KCNIP4: variants seen among roughly 807,000 people sequenced by gnomAD.
KCNIP4 encodes Kv channel-interacting protein 4.
A neutral mutation model predicts 34.0 loss-of-function variants in KCNIP4; 12 were observed. The observed-to-expected ratio is 0.35, with a 90% CI of 0.23 to 0.57. The LOEUF (loss-of-function observed/expected upper bound fraction) is 0.57, where lower values mean the gene tolerates loss of function less well. Among genes scored for constraint, KCNIP4 ranks in the 20% least tolerant of loss-of-function variants. KCNIP4 has a pLI of 0.83. For synonymous variants in KCNIP4, 124 were observed against 102.2 expected, an observed-to-expected ratio of 1.21 and a Z score of -1.29; for missense variants, 238 against 311.7, an observed-to-expected ratio of 0.76 and a Z score of 1.78.
intron 1 of KCNIP4, among the ~76,000 whole-genome samples, chr4:21,169,798 A>G (rs1753888102): frequency 6.6e-5 from 10 of 151,822 alleles, no homozygotes; most frequent in Admixed American, 5.9e-4. Flanking sequence ...TAGTACTCAA[A>G]CACTCCCAGC....
At chr4:20,808,814 G>T (rs940784766) in intron 3 of KCNIP4, among the ~76,000 whole-genome samples, 2 of 152,040 alleles carry the variant, frequency 1.3e-5, no homozygotes, top group Admixed American at 1.3e-4. Flanking sequence ...GTTAAGACAG[G>T]TTCACCATTT....
At chr4:21,515,651 A>G (rs1474142517) in intron 1 of KCNIP4, among the ~76,000 whole-genome samples, 1 of 152,168 alleles carries the variant, frequency 6.6e-6, no homozygotes, top group African/African-American at 2.4e-5. Flanking sequence ...AAAGAAAAGA[A>G]GTAGGAACTT....
intron 5 of KCNIP4, among the ~76,000 whole-genome samples, chr4:20,735,179 GA>G (rs1180576006): frequency 6.6e-6 from 1 of 152,186 alleles, no homozygotes; most frequent in Non-Finnish European, 1.5e-5. Flanking sequence ...TCTTTAATTA[GA>G]AATCCAGTTA....
chr4:21,558,580 A>C (rs1739265964), intron 1 of KCNIP4, among the ~76,000 whole-genome samples: 2 of 152,088 alleles, frequency 1.3e-5, no homozygotes, highest in South Asian at 4.1e-4. Flanking sequence ...TGCCAAAAGA[A>C]ATTGAAATTA....
Position 20,729,680 on chromosome 4 carries a change from A to C in KCNIP4, c.*402T>G, listed in dbSNP as rs757672718. 2.4e-4 allele frequency: 38 copies of C among 156,876 alleles called. No homozygotes were observed. The highest frequency in any genetic ancestry group is 4.8e-4 in the Non-Finnish European group (34 of 71,420). The allele number at this position is 156,876 out of a possible 1,614,324, so 9.7% of individuals were successfully genotyped here. A position where few individuals can be genotyped will look rare whatever the true frequency, so the allele number is the denominator to read the frequency against. On this transcript the variant is annotated 3_prime_UTR_variant, in exon 9 of 9. Coordinates refer to ENST00000382152, the MANE Select transcript of KCNIP4 (RefSeq NM_025221.6). ...TTTAATTTCTGGAAATTAAATGCAG[A>C]TGTCACTATATTAGAAAACCATTCA... is the stretch of plus-strand genomic sequence containing the variant.
intron 1 of KCNIP4, among the ~76,000 whole-genome samples, chr4:21,830,160 C>A (rs967904965): frequency 1.3e-5 from 2 of 151,958 alleles, no homozygotes; most frequent in African/African-American, 2.4e-5. Flanking sequence ...ATATTTTCCA[C>A]AAATATAAAT....
intron 1 of KCNIP4, among the ~76,000 whole-genome samples, chr4:21,072,529 T>C (rs1745055674): frequency 6.6e-6 from 1 of 152,176 alleles, no homozygotes; most frequent in South Asian, 2.1e-4. Context: ...AAGTTCTTTG[T>C]AGATTCTGGA....
intron 1 of KCNIP4, among the ~76,000 whole-genome samples, chr4:21,238,224 G>A (rs1273074981): frequency 1.3e-5 from 2 of 152,132 alleles, no homozygotes; most frequent in African/African-American, 4.8e-5. Context: ...TTGATGGGAT[G>A]TATCTCAAAA....
chr4:20,746,103 A>G (rs894489672), intron 5 of KCNIP4, among the ~76,000 whole-genome samples: 1 of 152,182 alleles, frequency 6.6e-6, no homozygotes, highest in Admixed American at 6.5e-5. Flanking sequence ...CACTATTCAC[A>G]ATAGCAAAGA....
At chr4:21,347,510 G>C (rs1373718494) in intron 1 of KCNIP4, among the ~76,000 whole-genome samples, 1 of 152,206 alleles carries the variant, frequency 6.6e-6, no homozygotes, top group Non-Finnish European at 1.5e-5. Flanking sequence ...GAGAAATGTA[G>C]CTCCTTGTGA....
intron 3 of KCNIP4, among the ~76,000 whole-genome samples, chr4:20,809,470 C>G (rs936525923): frequency 6.6e-6 from 1 of 152,106 alleles, no homozygotes; most frequent in South Asian, 2.1e-4. Flanking sequence ...TGGAGAATGT[C>G]GCATTCAGGA....
intron 1 of KCNIP4, among the ~76,000 whole-genome samples, chr4:21,019,671 C>T (rs1255432226): frequency 6.6e-6 from 1 of 151,912 alleles, no homozygotes; most frequent in Non-Finnish European, 1.5e-5. Context: ...TTATTTTGTT[C>T]AAATCAAATA....
intron 1 of KCNIP4, among the ~76,000 whole-genome samples, chr4:21,647,244 T>A (rs1373973365): frequency 6.6e-6 from 1 of 152,164 alleles, no homozygotes; most frequent in Non-Finnish European, 1.5e-5. Context: ...CATGCACATA[T>A]ACACATTTTT....
intron 1 of KCNIP4, among the ~76,000 whole-genome samples, chr4:21,315,569 T>C (rs1713655922): frequency 6.6e-6 from 1 of 152,176 alleles, no homozygotes; most frequent in African/African-American, 2.4e-5. Flanking sequence ...TCTGCATTAT[T>C]TAAAGGTCAA....
intron 1 of KCNIP4, among the ~76,000 whole-genome samples, chr4:21,765,116 A>C (rs2109177648): frequency 1.3e-5 from 2 of 151,780 alleles, no homozygotes; most frequent in South Asian, 4.1e-4. Flanking sequence ...TTAAAATGGG[A>C]AGTGCAATGG....
chr4:21,044,713 G>A (rs1345479938), intron 1 of KCNIP4, among the ~76,000 whole-genome samples: 2 of 152,050 alleles, frequency 1.3e-5, no homozygotes, highest in Non-Finnish European at 2.9e-5. Context: ...AACTTGCCAG[G>A]CTGCAGCCAG....
intron 1 of KCNIP4, among the ~76,000 whole-genome samples, chr4:21,505,039 A>T (rs890295923): frequency 6.6e-6 from 1 of 152,188 alleles, no homozygotes; most frequent in Non-Finnish European, 1.5e-5. Flanking sequence ...ACATTTAAGT[A>T]ATCTGATTGA....
intron 1 of KCNIP4, among the ~76,000 whole-genome samples, chr4:21,519,749 GTGTGTGTA>G (rs1240074408): frequency 7.5e-6 from 1 of 132,992 alleles, no homozygotes; most frequent in African/African-American, 3.1e-5. Context: ...TGATACACAC[GTGTGTGTA>G]TGTATGTGTG....
chr4:20,837,603 T>G (rs1035194991), intron 3 of KCNIP4, among the ~76,000 whole-genome samples: 1 of 148,282 alleles, frequency 6.7e-6, no homozygotes, highest in Non-Finnish European at 1.5e-5. Context: ...ACTTGAAAAA[T>G]TATTTATTGA....
Sources: allele counts gnomAD v4.1 joint callset (sites outside exome capture counted in the v4.1 genomes callset), GRCh38; gene constraint gnomAD v4.1.1; transcripts MANE v1.5; gene names NCBI Gene and HGNC (gene_info 2026-07-23, HGNC 2026-07-21).